Variants in ASTN2 observed in about 807,000 individuals in gnomAD.
ASTN2 encodes the protein astrotactin-2.
Under a neutral mutation model 139.8 loss-of-function variants are expected in ASTN2, and 54 were observed. That is an observed-to-expected ratio of 0.39 (90% CI 0.31 to 0.48). The LOEUF (loss-of-function observed/expected upper bound fraction) is 0.48, where lower values mean the gene tolerates loss of function less well. ASTN2 is among the 20% of genes least tolerant of loss of function. ASTN2 has a pLI of 0.95. For missense variants in ASTN2, 1,565 were observed against 1,725.1 expected (o/e 0.91, Z 1.64); for synonymous variants, 756 against 719.5 (o/e 1.05, Z -0.81).
intron 5 of ASTN2, among the ~76,000 whole-genome samples, chr9:117,045,551 T>A (rs948192294): frequency 1.3e-5 from 2 of 152,204 alleles, no homozygotes; most frequent in Non-Finnish European, 2.9e-5. Flanking sequence ...ATAAAATGCA[T>A]TGCTTAAGAA....
At chr9:116,438,257 A>C (rs938247372) in intron 22 of ASTN2, among the ~76,000 whole-genome samples, 1 of 152,034 alleles carries the variant, frequency 6.6e-6, no homozygotes, top group African/African-American at 2.4e-5. Flanking sequence ...TGACACCTAT[A>C]CTCAAGCCAG....
At chr9:117,341,924 T>A (rs1829073215) in intron 1 of ASTN2, among the ~76,000 whole-genome samples, 1 of 152,202 alleles carries the variant, frequency 6.6e-6, no homozygotes, top group Admixed American at 6.5e-5. Flanking sequence ...TTTCAATTGC[T>A]TGAGTGCACC....
At position 117,414,715 on chromosome 9, in the gene ASTN2, G is replaced by A. The variant is rs979784604; in HGVS notation, c.224C>T (p.Ala75Val). The stretch of plus-strand genomic sequence containing the variant: ...CCAGCCGATGTCGCTCTCCCGCAGG[G>A]CGGGCAGTGTGGACACCGTGACGGT... ...LKTVTVSTLPALRESDIGWSG... is the reference protein window; with the variant it reads ...LKTVTVSTLPVLRESDIGWSG... Residue 75 changes from alanine to valine, a missense_variant, in exon 1 of 23, where the codon GCC becomes GTC. Coordinates refer to ENST00000313400, the MANE Select transcript of ASTN2 (RefSeq NM_001365068.1). This position sits in a 1 kb window ranked among gnomAD's most constrained non-coding sequence, Gnocchi z 4.2. 7 of 1,275,688 alleles carry A rather than the reference G, an allele frequency of 5.5e-6. No homozygotes were observed. In the Admixed American group the frequency reaches 2.2e-4, roughly 40 times the overall value. The allele number at this position is 1,275,688 out of a possible 1,614,324, so 79.0% of individuals were successfully genotyped here.
intron 5 of ASTN2, among the ~76,000 whole-genome samples, chr9:117,065,036 C>T (rs913755743): frequency 6.6e-6 from 1 of 152,034 alleles, no homozygotes; most frequent in Non-Finnish European, 1.5e-5. Context: ...AGGATAGGCC[C>T]TAAAGCCAAT....
intron 20 of ASTN2, among the ~76,000 whole-genome samples, chr9:116,471,416 T>C (rs1848807858): frequency 6.6e-6 from 1 of 152,112 alleles, no homozygotes; most frequent in Non-Finnish European, 1.5e-5. Context: ...CTCCTGAAAC[T>C]CCCTGAAAAC....
chr9:116,587,074 C>T (rs1318834408), intron 19 of ASTN2, among the ~76,000 whole-genome samples: 1 of 152,118 alleles, frequency 6.6e-6, no homozygotes, highest in Non-Finnish European at 1.5e-5. Context: ...AGCGTGGTGG[C>T]TCTCGCCTGT....
chr9:116,544,933 G>A (rs1852028104), intron 19 of ASTN2, among the ~76,000 whole-genome samples: 1 of 152,310 alleles, frequency 6.6e-6, no homozygotes, highest in Non-Finnish European at 1.5e-5. Flanking sequence ...TTTGGAATCT[G>A]AGCCAGAAGA....
intron 5 of ASTN2, among the ~76,000 whole-genome samples, chr9:117,084,482 A>G (rs991788733): frequency 1.3e-5 from 2 of 152,222 alleles, no homozygotes; most frequent in Non-Finnish European, 2.9e-5. Flanking sequence ...CCGAAACCCA[A>G]TTCAAGCCAC....
chr9:116,516,882 G>A (rs952467544), intron 19 of ASTN2, among the ~76,000 whole-genome samples: 2 of 152,160 alleles, frequency 1.3e-5, no homozygotes, highest in African/African-American at 4.8e-5. Flanking sequence ...TATGACTTAG[G>A]AGAAGCTGCC....
rs565565471 is a variant in ASTN2, at chr9:117,223,831, C to A, written c.631-9089G>T. On this transcript the variant is annotated intron_variant, in intron 2 of 22. Transcript: ENST00000313400. ...TCTTTTTTGCCTCTAGACAGATATA[C>A]GGTGACCTATTTAAGAAGTCCCATT... Among the ~76,000 whole-genome samples the A allele has an allele frequency of 2.6e-5, 4 of 152,218 alleles. No homozygotes were observed. In the South Asian group the frequency reaches 6.2e-4, roughly 24 times the overall value.
intron 19 of ASTN2, among the ~76,000 whole-genome samples, chr9:116,550,444 ACCTATGGGATTC>A (rs1468310102): frequency 6.6e-6 from 1 of 152,132 alleles, no homozygotes; most frequent in Admixed American, 6.5e-5. Context: ...GTCATGAGTC[ACCTATGGGATTC>A]CCTATGGGAT....
At chr9:116,952,120 C>G (rs1835579343) in intron 10 of ASTN2, among the ~76,000 whole-genome samples, 1 of 152,184 alleles carries the variant, frequency 6.6e-6, no homozygotes, top group Non-Finnish European at 1.5e-5. Flanking sequence ...GTATTTGTAA[C>G]TGCCTTTTAG....
At chr9:117,412,743 G>A (rs1020309157) in intron 1 of ASTN2, among the ~76,000 whole-genome samples, 2 of 152,178 alleles carry the variant, frequency 1.3e-5, no homozygotes, top group South Asian at 4.1e-4. Flanking sequence ...TCTAAAGGAT[G>A]AAGGGAGAAG....
At position 117,195,378 on chromosome 9, in the gene ASTN2, A is replaced by G. The variant is rs28581390; in HGVS notation, c.1015+18980T>C. Reference sequence around the variant, plus strand: ...AAGTCTGAAGAACAGAGAAGAGGCCATTGTGTCTGGAGCATGGAGGGCAAC... The same window carrying G: ...AAGTCTGAAGAACAGAGAAGAGGCCGTTGTGTCTGGAGCATGGAGGGCAAC... On this transcript the variant is annotated intron_variant, in intron 3 of 22. Coordinates refer to ENST00000313400, the MANE Select transcript of ASTN2 (RefSeq NM_001365068.1). Among the ~76,000 whole-genome samples the G allele has an allele frequency of 3.9e-3, 588 of 152,268 alleles. 9 individuals carry two copies. The highest frequency in any genetic ancestry group is 0.013 in the African/African-American group (558 of 41,560).
intron 3 of ASTN2, among the ~76,000 whole-genome samples, chr9:117,206,818 C>T (rs893871480): frequency 4.6e-5 from 7 of 152,170 alleles, no homozygotes; most frequent in African/African-American, 1.4e-4. Context: ...TCTGAGCCTC[C>T]AAGCAGCTGA....
chr9:116,861,388 G>A (rs2132337425), intron 11 of ASTN2, among the ~76,000 whole-genome samples: 1 of 152,252 alleles, frequency 6.6e-6, no homozygotes, highest in Admixed American at 6.5e-5. Flanking sequence ...CTTTGAAAAA[G>A]GTCAGCCTTA....
At chr9:117,222,517 C>T (rs1226436350) in intron 2 of ASTN2, among the ~76,000 whole-genome samples, 1 of 152,168 alleles carries the variant, frequency 6.6e-6, no homozygotes, top group Non-Finnish European at 1.5e-5. Flanking sequence ...CAGTGGATCA[C>T]CAGTTCTCAC....
At position 116,597,589 on chromosome 9, in the gene ASTN2, C is replaced by T. The variant is rs188444665; in HGVS notation, c.3355+20735G>A. 2.0e-5 allele frequency among the ~76,000 whole-genome samples: 3 copies of T among 151,974 alleles called. No homozygotes were observed. The East Asian group carries it at 5.8e-4, about 29-fold the overall frequency. ...ATAGGCGTGAACCACCATGCCTGGCCTTGATCTATTAATACGTCCCAGGAG... is the reference window on the plus strand; with the variant it reads ...ATAGGCGTGAACCACCATGCCTGGCTTTGATCTATTAATACGTCCCAGGAG... On this transcript the variant is annotated intron_variant, in intron 19 of 22. Transcript: ENST00000313400.
intron 16 of ASTN2, among the ~76,000 whole-genome samples, chr9:116,710,892 T>A (rs1157453345): frequency 6.6e-6 from 1 of 152,144 alleles, no homozygotes; most frequent in Non-Finnish European, 1.5e-5. Context: ...CCCCAAGATA[T>A]GAAACTTGTT....
Sources: gnomAD v4.1 joint callset for allele counts (sites outside exome capture counted in the v4.1 genomes callset) on GRCh38, gnomAD v4.1.1 for gene constraint, Gnocchi (gnomAD v3.1) non-coding constraint, MANE v1.5 for transcripts, NCBI Gene and HGNC (gene_info 2026-07-23, HGNC 2026-07-21) for gene names.